The following TCTN1 variants were observed in gnomAD, a reference collection of about 807,000 sequenced individuals.
TCTN1 encodes tectonic-1.
A neutral mutation model predicts 65.8 loss-of-function variants in TCTN1; 58 were observed. That is an observed-to-expected ratio of 0.88 (90% CI 0.71 to 1.10). The LOEUF (loss-of-function observed/expected upper bound fraction) is 1.10, where lower values mean the gene tolerates loss of function less well. Ranked by LOEUF, TCTN1 falls within the 50% of genes least tolerant of loss-of-function variation. The pLI is 0.00. For synonymous variants in TCTN1, 273 were observed against 289.1 expected (o/e 0.94, Z 0.57); for missense variants, 645 against 719.4 (o/e 0.90, Z 1.18).
At chr12:110,638,176 T>C (rs929947655) in intron 7 of TCTN1, among the ~76,000 whole-genome samples, 1 of 152,070 alleles carries the variant, frequency 6.6e-6, no homozygotes, top group African/African-American at 2.4e-5. Context: ...AGGGACCTTA[T>C]ACTTTACCAC....
intron 5 of TCTN1, among the ~76,000 whole-genome samples, chr12:110,633,021 G>A (rs1187076057): frequency 6.6e-6 from 1 of 152,188 alleles, no homozygotes; most frequent in African/African-American, 2.4e-5. Context: ...GGCCAGGTTA[G>A]TATCTCCATT....
intron 2 of TCTN1, among the ~76,000 whole-genome samples, chr12:110,622,143 AT>A (rs201524807): frequency 0.011 from 1,703 of 150,214 alleles, 9 homozygotes; most frequent in African/African-American, 0.018. Flanking sequence ...ATAAAAAAAA[AT>A]AATAATAATA....
chr12:110,647,071 C>A, intron 12 of TCTN1, 125 bp from the exon 13 acceptor site: 2 of 1,159,944 alleles, frequency 1.7e-6, no homozygotes, highest in Non-Finnish European at 2.5e-6. Context: ...TTTATCTGAA[C>A]TTGTAGAGTC....
At chr12:110,647,012 T>C in intron 12 of TCTN1, 184 bp from the exon 13 acceptor site, 1 of 675,768 alleles carries the variant, frequency 1.5e-6, no homozygotes, top group Admixed American at 2.9e-5. Context: ...GTTAAAAATA[T>C]TTTTGGGGCA....
At chr12:110,641,649 A>T in intron 10 of TCTN1, 22 bp downstream of exon 10, 1 of 1,607,740 alleles carries the variant, frequency 6.2e-7, no homozygotes, top group East Asian at 2.2e-5. Context: ...GGTTCTGTAG[A>T]GGGTGGATTT....
chr12:110,626,308 A>C, intron 2 of TCTN1, 54 bp from the exon 3 acceptor site: 1 of 1,531,158 alleles, frequency 6.5e-7, no homozygotes, highest in East Asian at 2.5e-5. Flanking sequence ...TAATTTTGCT[A>C]AGATTGTGTG....
chr12:110,636,750 C>T (rs554116373), intron 7 of TCTN1, among the ~76,000 whole-genome samples: 5 of 152,282 alleles, frequency 3.3e-5, no homozygotes, highest in East Asian at 1.9e-4. Context: ...ACACCACTGT[C>T]GTGACCAGCA....
intron 1 of TCTN1, among the ~76,000 whole-genome samples, chr12:110,619,428 G>A (rs1313748464): frequency 6.6e-6 from 1 of 152,194 alleles, no homozygotes. Context: ...AATCTCTAGA[G>A]GAGGGGCTTA....
At chr12:110,636,630 G>A in intron 7 of TCTN1, 129 bp downstream of exon 7, 1 of 592,216 alleles carries the variant, frequency 1.7e-6, no homozygotes, top group Admixed American at 3.0e-5. Context: ...AAATACATTT[G>A]CCAAAAAGCA....
intron 14 of TCTN1, among the ~76,000 whole-genome samples, chr12:110,648,340 T>C (rs1420026145): frequency 6.6e-6 from 1 of 152,158 alleles, no homozygotes; most frequent in African/African-American, 2.4e-5. Flanking sequence ...CCTTCCTGCC[T>C]TTTTTCCTTT....
intron 3 of TCTN1, chr12:110,627,882 A>G: frequency 1.6e-6 from 1 of 635,766 alleles, no homozygotes; most frequent in South Asian, 1.9e-5. Flanking sequence ...TCATATTTTC[A>G]GAATATCTTT....
In TCTN1 at chr12:110,641,098, TAGC is replaced by T; in HGVS notation, c.1057_1059del (p.Ser353del). The T allele has an allele frequency of 6.2e-7, 1 of 1,614,274 alleles. No individual in the cohort carries two copies. Among genetic ancestry groups the T allele is most frequent in the Middle Eastern group, 1.6e-4 (1 of 6,062 alleles). On this transcript the variant is annotated inframe_deletion, in exon 9 of 15. Transcript: ENST00000397659. ...ATCTCTCATTCGTTCTGGGGACAGT[TAGC>T]AGCGTAGTGGTCCCACTGCAGCAAA...
At chr12:110,633,265 G>A (rs1349269987) in intron 5 of TCTN1, among the ~76,000 whole-genome samples, 1 of 152,198 alleles carries the variant, frequency 6.6e-6, no homozygotes, top group Non-Finnish European at 1.5e-5. Flanking sequence ...TGGACGATAG[G>A]AATGTATTCT....
At chr12:110,626,559 G>C in intron 3 of TCTN1, 67 bp downstream of exon 3, 1 of 1,471,554 alleles carries the variant, frequency 6.8e-7, no homozygotes, top group Non-Finnish European at 9.3e-7. Context: ...ATGGAAAAAT[G>C]TGTCAGATTT....
intron 5 of TCTN1, chr12:110,634,360 T>C (rs1441610893): frequency 2.1e-6 from 1 of 465,568 alleles, no homozygotes; most frequent in African/African-American, 2.0e-5. Flanking sequence ...ATCTCATGAA[T>C]GTATTCTTTT....
At position 110,642,269 on chromosome 12, in the gene TCTN1, C is replaced by T. The variant is rs1454450164; in HGVS notation, c.1211C>T (p.Thr404Ile). Residue 404 changes from threonine (T) to isoleucine (I), a missense_variant, in exon 11 of 15, where the codon ACA becomes ATA. Thr to Ile is a moderately conservative substitution (Grantham distance 89). Coordinates refer to ENST00000397659, the MANE Select transcript of TCTN1 (RefSeq NM_001082538.3). ...TGAATGTCTGGGATTATTCAGACCACAAATAGATATGGACAGCTTACTATT... is the reference window on the plus strand; with the variant it reads ...TGAATGTCTGGGATTATTCAGACCATAAATAGATATGGACAGCTTACTATT... The part of the protein sequence containing the change: ...PHKGSGIIQT[T>I]NRYGQLTILH... 1.2e-6 allele frequency: 2 copies of T among 1,614,036 alleles called. No individual in the cohort carries two copies. Among genetic ancestry groups the T allele is most frequent in the Non-Finnish European group, 8.5e-7 (1 of 1,180,034 alleles).
chr12:110,641,861 T>G (rs77653628), intron 10 of TCTN1: 1 of 542,842 alleles, frequency 1.8e-6, no homozygotes, highest in South Asian at 2.4e-5. Flanking sequence ...ATGTCAGTGT[T>G]TTTTTTTTTT....
chr12:110,619,889 T>A lies in TCTN1; in HGVS notation c.274T>A (p.Cys92Ser). 1 of 1,614,200 alleles carries A rather than the reference T, an allele frequency of 6.2e-7. No homozygotes were observed. Among genetic ancestry groups the A allele is most frequent in the Non-Finnish European group, 8.5e-7 (1 of 1,180,048 alleles). ...LSPAQCDINC[C>S]CDPDCSSVDF... ...CCCAGCACAGTGTGACATCAACTGC[T>A]GCTGTGATCCCGACTGCAGCTCCGT... Residue 92 changes from cysteine (C) to serine (S), a missense_variant, in exon 2 of 15, where the codon TGC becomes AGC. Physicochemically the swap from Cys to Ser is moderately radical, Grantham distance 112. Coordinates refer to ENST00000397659, the MANE Select transcript of TCTN1 (RefSeq NM_001082538.3).
chr12:110,615,472 ATCTTTTTTTAT>A (rs1056243271), intron 1 of TCTN1, among the ~76,000 whole-genome samples: 3 of 152,044 alleles, frequency 2.0e-5, no homozygotes, highest in Non-Finnish European at 4.4e-5. Context: ...AGTACTTTTA[ATCTTTTTTTAT>A]TCTTTTTTTG....
Sources: allele counts gnomAD v4.1 joint callset (sites outside exome capture counted in the v4.1 genomes callset), GRCh38; gene constraint gnomAD v4.1.1; transcripts MANE v1.5; gene names NCBI Gene and HGNC (gene_info 2026-07-23, HGNC 2026-07-21).